Variants in ULK4 observed in about 807,000 individuals in gnomAD.
ULK4 encodes the protein unc-51 like kinase 4, also known as inactive serine/threonine-protein kinase ULK4.
Under a neutral mutation model 160.6 loss-of-function variants are expected in ULK4, and 133 were observed. The ratio of observed to expected loss-of-function variants is 0.83; its 90% CI spans 0.72 to 0.96. The LOEUF (loss-of-function observed/expected upper bound fraction) is 0.96, where lower values mean the gene tolerates loss of function less well. Ranked by LOEUF, ULK4 falls within the 40% of genes least tolerant of loss-of-function variation. The pLI is 0.00. For synonymous variants in ULK4, 534 were observed against 539.8 expected (o/e 0.99, Z 0.15); for missense variants, 1,580 against 1,499.5 (o/e 1.05, Z -0.89).
chr3:41,776,024 G>A (rs940124890), intron 21 of ULK4, among the ~76,000 whole-genome samples: 2 of 150,726 alleles, frequency 1.3e-5, no homozygotes, highest in Non-Finnish European at 2.9e-5. Context: ...TTTGGCTCAG[G>A]TATGTGCATC....
Position 41,705,385 on chromosome 3 carries a change from A to C in ULK4, c.2635-80T>G, listed in dbSNP as rs987305865. 4 of 1,023,944 alleles carry C rather than the reference A, an allele frequency of 3.9e-6. No individual in the cohort carries two copies. The African/African-American group carries it at 4.9e-5, about 13-fold the overall frequency. 63.4% of individuals were successfully genotyped at this position (1,023,944 alleles called of 1,614,324 possible). ...ATATAGGTAGTTTACATTTTGCCCA[A>C]AACTGTACCTATTGTTTTTAATAAC... On this transcript the variant is annotated intron_variant, in intron 25 of 36. Transcript: ENST00000301831.
At chr3:41,871,697 G>C (rs1164664375) in intron 17 of ULK4, among the ~76,000 whole-genome samples, 1 of 152,026 alleles carries the variant, frequency 6.6e-6, no homozygotes, top group Non-Finnish European at 1.5e-5. Flanking sequence ...AATATTTTTT[G>C]CTGTTGAGGT....
rs763600906 is a variant in ULK4, at chr3:41,907,880, G to A, written c.1147C>T (p.His383Tyr). ...GGAGAAGTCTTCTGTGGTGAACAGT[G>A]AGTCATATCCTCACCAGGACTTACT... ...VEVSPGEDMT[H>Y]CSPQKTSPLT... The change falls in exon 12 of 37, where the codon CAC (histidine) becomes TAC (tyrosine). Residue 383 changes from histidine to tyrosine, a missense_variant. Transcript: ENST00000301831. 1.2e-6 allele frequency: 2 copies of A among 1,600,884 alleles called. No homozygotes were observed. The highest frequency in any genetic ancestry group is 2.7e-5 in the African/African-American group (2 of 74,080).
At chr3:41,714,213 A>C (rs1415848153) in intron 25 of ULK4, among the ~76,000 whole-genome samples, 1 of 152,216 alleles carries the variant, frequency 6.6e-6, no homozygotes, top group Non-Finnish European at 1.5e-5. Context: ...CAAAGTACTC[A>C]AATGATAAAA....
At chr3:41,687,271 G>T (rs2036134295) in intron 27 of ULK4, among the ~76,000 whole-genome samples, 1 of 151,524 alleles carries the variant, frequency 6.6e-6, no homozygotes, top group African/African-American at 2.4e-5. Context: ...TACTCAGGAG[G>T]CTGAAGCAGG....
intron 32 of ULK4, among the ~76,000 whole-genome samples, chr3:41,495,337 C>T (rs959757592): frequency 5.3e-5 from 8 of 152,080 alleles, no homozygotes; most frequent in African/African-American, 1.9e-4. Context: ...AAAGGATTCC[C>T]TATTTAACAA....
At chr3:41,616,846 T>TC (rs1386280169) in intron 30 of ULK4, among the ~76,000 whole-genome samples, 1 of 152,020 alleles carries the variant, frequency 6.6e-6, no homozygotes, top group Non-Finnish European at 1.5e-5. Context: ...GCTCCATGGG[T>TC]CCCACTCCCA....
At chr3:41,645,394 C>G (rs1256160958) in intron 30 of ULK4, among the ~76,000 whole-genome samples, 1 of 151,980 alleles carries the variant, frequency 6.6e-6, no homozygotes, top group African/African-American at 2.4e-5. Context: ...TATGTTGTGT[C>G]TTTGTTCTCG....
intron 33 of ULK4, among the ~76,000 whole-genome samples, 153 bp downstream of exon 33, chr3:41,462,934 C>G (rs1014979622): frequency 2.0e-5 from 3 of 152,046 alleles, no homozygotes; most frequent in African/African-American, 7.2e-5. Flanking sequence ...CATTGGTCAC[C>G]CAAAGATGAC....
chr3:41,612,112 C>A (rs776205206), intron 31 of ULK4, among the ~76,000 whole-genome samples: 2 of 152,090 alleles, frequency 1.3e-5, no homozygotes, highest in Non-Finnish European at 2.9e-5. Flanking sequence ...TATAGGAAAT[C>A]CAGAGATGAT....
chr3:41,541,026 T>C (rs554877141), intron 32 of ULK4, among the ~76,000 whole-genome samples: 4 of 152,318 alleles, frequency 2.6e-5, no homozygotes, highest in East Asian at 3.9e-4. Context: ...AGAAGCTCTT[T>C]AGTTTAATTA....
At chr3:41,610,107 C>G (rs1489651938) in intron 31 of ULK4, among the ~76,000 whole-genome samples, 1 of 151,792 alleles carries the variant, frequency 6.6e-6, no homozygotes, top group Admixed American at 6.6e-5. Context: ...ACCTCTGCCC[C>G]CTGGGTTCAA....
rs1329066503 is a variant in ULK4 at position 41,954,617 on chromosome 3, C to G, written c.138+5G>C. On this transcript the variant is annotated splice_donor_5th_base_variant and intron_variant, in intron 2 of 36. Transcript: ENST00000301831. ...CCCCATGCCAATGGAAATACACTGA[C>G]TTACCCAGTTGGTTATTTCAGGCCT... 6.2e-7 allele frequency: 1 copy of G among 1,611,564 alleles called. No homozygotes were observed. The highest frequency in any genetic ancestry group is 1.3e-5 in the African/African-American group (1 of 74,838).
At chr3:41,810,825 T>C (rs1202069371) in intron 19 of ULK4, among the ~76,000 whole-genome samples, 4 of 152,192 alleles carry the variant, frequency 2.6e-5, no homozygotes. Context: ...TTCCTTTTTT[T>C]CCCTCTCACA....
chr3:41,439,357 T>C (rs1285610856), intron 34 of ULK4, among the ~76,000 whole-genome samples: 1 of 152,016 alleles, frequency 6.6e-6, no homozygotes, highest in African/African-American at 2.4e-5. Flanking sequence ...AACAAGAGCA[T>C]CACAAAACAC....
chr3:41,694,889 G>A (rs1256064758), intron 27 of ULK4, among the ~76,000 whole-genome samples: 1 of 152,176 alleles, frequency 6.6e-6, no homozygotes, highest in Admixed American at 6.5e-5. Context: ...AACCGTCTGT[G>A]ACTATATGGT....
At chr3:41,378,914 A>C (rs985064743) in intron 35 of ULK4, among the ~76,000 whole-genome samples, 3 of 152,308 alleles carry the variant, frequency 2.0e-5, no homozygotes, top group African/African-American at 7.2e-5. Flanking sequence ...GGGGACATGG[A>C]TGAAGCTGGA....
chr3:41,871,034 A>C (rs914966930), intron 17 of ULK4, among the ~76,000 whole-genome samples: 1 of 152,140 alleles, frequency 6.6e-6, no homozygotes, highest in Non-Finnish European at 1.5e-5. Context: ...TCCTCCCGCC[A>C]TGTAAAGAGG....
At chr3:41,496,683 G>A (rs1055272607) in intron 32 of ULK4, among the ~76,000 whole-genome samples, 5 of 152,094 alleles carry the variant, frequency 3.3e-5, no homozygotes, top group African/African-American at 9.7e-5. Flanking sequence ...AAGCATGATC[G>A]AGAACAGCCA....
Sources: gnomAD v4.1 joint callset for allele counts (sites outside exome capture counted in the v4.1 genomes callset) on GRCh38, gnomAD v4.1.1 for gene constraint, MANE v1.5 for transcripts, NCBI Gene and HGNC (gene_info 2026-07-23, HGNC 2026-07-21) for gene names.